PLD5: variants seen among roughly 807,000 people sequenced by gnomAD.
PLD5 encodes phospholipase D family member 5.
Under a neutral mutation model 61.1 loss-of-function variants are expected in PLD5, and 36 were observed. The ratio of observed to expected loss-of-function variants is 0.59; its 90% CI spans 0.45 to 0.78. The LOEUF is 0.78. Among genes scored for constraint, PLD5 ranks in the 30% least tolerant of loss-of-function variants. The pLI is 0.00. For missense variants in PLD5, 515 were observed against 644.4 expected (o/e 0.80, Z 2.17); for synonymous variants, 243 against 242.8 (o/e 1.00, Z -0.01).
chr1:242,174,661 A>AATG (rs1558305886), intron 5 of PLD5, among the ~76,000 whole-genome samples: 2 of 152,254 alleles, frequency 1.3e-5, no homozygotes, highest in African/African-American at 4.8e-5. Context: ...AATGTCCATC[A>AATG]ATGATAGATT....
intron 4 of PLD5, among the ~76,000 whole-genome samples, chr1:242,223,847 T>C (rs1442971626): frequency 8.4e-6 from 1 of 119,360 alleles, no homozygotes; most frequent in Non-Finnish European, 1.7e-5. Flanking sequence ...TAGATATATA[T>C]AAATAGAGAG....
chr1:242,366,089 G>A (rs551911176), intron 1 of PLD5, among the ~76,000 whole-genome samples: 46 of 152,280 alleles, frequency 3.0e-4, no homozygotes, highest in African/African-American at 1.1e-3. Context: ...TTCATTCTAT[G>A]AGGTCAGCAT....
chr1:242,095,127 G>A (rs961854563), intron 9 of PLD5, among the ~76,000 whole-genome samples: 17 of 151,602 alleles, frequency 1.1e-4, no homozygotes, highest in Non-Finnish European at 2.2e-4. Flanking sequence ...TAGTAGAGAC[G>A]GGGTTTCACA....
At chr1:242,418,277 G>C (rs1404880209) in intron 1 of PLD5, among the ~76,000 whole-genome samples, 1 of 152,152 alleles carries the variant, frequency 6.6e-6, no homozygotes, top group Non-Finnish European at 1.5e-5. Context: ...TATTGCAGGA[G>C]AACCTAATTT....
intron 1 of PLD5, among the ~76,000 whole-genome samples, chr1:242,494,363 T>C (rs1345937823): frequency 6.6e-6 from 1 of 152,060 alleles, no homozygotes; most frequent in African/African-American, 2.4e-5. Flanking sequence ...CACATGCAGG[T>C]CTGCAGCAGC....
At position 242,242,004 on chromosome 1, in the gene PLD5, T is replaced by TAG. The variant is rs1377532947; in HGVS notation, c.608-21890_608-21889insCT. 9.2e-3 allele frequency among the ~76,000 whole-genome samples: 1,223 copies of TAG among 132,818 alleles called. 16 individuals are homozygous for TAG. Among genetic ancestry groups the TAG allele is most frequent in the African/African-American group, 0.03 (998 of 33,238 alleles). The allele number at this position is 132,818 out of a possible 152,430, so 87.1% of individuals were successfully genotyped here. ...TATATATACTTACTATATATATATA[T>TAG]ATATATAGACACACACACACACACA... On this transcript the variant is annotated intron_variant, in intron 4 of 9. Transcript: ENST00000536534.
intron 1 of PLD5, among the ~76,000 whole-genome samples, chr1:242,464,872 T>C (rs552753116): frequency 6.6e-6 from 1 of 152,268 alleles, no homozygotes; most frequent in African/African-American, 2.4e-5. Context: ...TTGAAGACAT[T>C]ATGCTAAGTG....
rs561743711 is a variant in PLD5 at position 242,437,992 on chromosome 1, A to C, written c.189+86096T>G. On this transcript the variant is annotated intron_variant, in intron 1 of 9. Coordinates refer to ENST00000536534, the MANE Select transcript of PLD5 (RefSeq NM_001372062.1). ...ATTACCTCTTCCTTTCATTTTAAAA[A>C]TTTGCACTTGTTTCTACCCTTCCCA... 2.6e-5 allele frequency among the ~76,000 whole-genome samples: 4 copies of C among 152,296 alleles called. No individual in the cohort carries two copies. The East Asian group carries it at 7.7e-4, about 29-fold the overall frequency.
At position 242,162,047 on chromosome 1, in the gene PLD5, A is replaced by AAAAACG. The variant is rs1558289314; in HGVS notation, c.736-37383_736-37382insCGTTTT. ...GCCTATTTGGTAGGCAACAAAATAA[A>AAAAACG]TATTTGGCATACGTTTTTTTAAAGT... is the stretch of plus-strand genomic sequence containing the variant. On this transcript the variant is annotated intron_variant, in intron 5 of 9. Transcript: ENST00000536534. 3.0e-4 allele frequency among the ~76,000 whole-genome samples: 46 copies of AAAAACG among 152,306 alleles called. No homozygotes were observed. The East Asian group carries it at 8.7e-3, about 29-fold the overall frequency.
chr1:242,523,032 G>A (rs936085173), intron 1 of PLD5, among the ~76,000 whole-genome samples: 9 of 152,168 alleles, frequency 5.9e-5, no homozygotes, highest in African/African-American at 1.9e-4. Context: ...CAGAGCCCAG[G>A]AGGAGTGCTT....
chr1:242,313,034 CCACTA>C (rs979154877), intron 2 of PLD5, among the ~76,000 whole-genome samples: 13 of 152,108 alleles, frequency 8.5e-5, no homozygotes, highest in African/African-American at 3.1e-4. Context: ...CTTATCGTAC[CCACTA>C]CACAGGGTTT....
upstream of PLD5, among the ~76,000 whole-genome samples, chr1:242,529,285 A>T (rs12748094): frequency 3.3e-5 from 5 of 152,158 alleles, no homozygotes; most frequent in East Asian, 9.6e-4. Flanking sequence ...TAAAATGACA[A>T]TGAAGGTTTT....
At chr1:242,245,696 T>TTTCCCTGGGAG (rs1672313780) in intron 4 of PLD5, among the ~76,000 whole-genome samples, 6 of 152,182 alleles carry the variant, frequency 3.9e-5, no homozygotes, top group Non-Finnish European at 8.8e-5. Flanking sequence ...CTTTAGGATA[T>TTTCCCTGGGAG]AAATGAGGAA....
chr1:242,449,690 T>C (rs1187198440), intron 1 of PLD5, among the ~76,000 whole-genome samples: 5 of 152,202 alleles, frequency 3.3e-5, no homozygotes, highest in Non-Finnish European at 5.9e-5. Context: ...CCTTTTAATC[T>C]GAGAGGAGTT....
chr1:242,322,174 C>A (rs557732895), intron 2 of PLD5, among the ~76,000 whole-genome samples: 1 of 152,278 alleles, frequency 6.6e-6, no homozygotes, highest in Non-Finnish European at 1.5e-5. Context: ...AGCTTTGGAG[C>A]GTTGACTCCG....
intron 1 of PLD5, among the ~76,000 whole-genome samples, chr1:242,362,854 C>A (rs1431300057): frequency 1.3e-5 from 2 of 152,286 alleles, no homozygotes; most frequent in South Asian, 2.1e-4. Context: ...GCACCCCTCG[C>A]TGTACATATT....
chr1:242,227,972 C>T (rs1671060739), intron 4 of PLD5, among the ~76,000 whole-genome samples: 2 of 152,164 alleles, frequency 1.3e-5, no homozygotes, highest in Admixed American at 1.3e-4. Context: ...CACTTCCGTT[C>T]CGAATCTTCT....
chr1:242,452,174 G>A (rs1394684097), intron 1 of PLD5, among the ~76,000 whole-genome samples: 2 of 151,962 alleles, frequency 1.3e-5, no homozygotes, highest in African/African-American at 4.8e-5. Flanking sequence ...TGCTTTTTCG[G>A]CAATGAAAAA....
At chr1:242,407,588 G>A (rs1440460385) in intron 1 of PLD5, among the ~76,000 whole-genome samples, 1 of 144,460 alleles carries the variant, frequency 6.9e-6, no homozygotes, top group South Asian at 2.2e-4. Context: ...TTGAGACGGA[G>A]TTTTGCTCTG....
Sources: gnomAD v4.1 joint callset for allele counts (sites outside exome capture counted in the v4.1 genomes callset) on GRCh38, gnomAD v4.1.1 for gene constraint, MANE v1.5 for transcripts, NCBI Gene and HGNC (gene_info 2026-07-23, HGNC 2026-07-21) for gene names.